The following CDH13 variants were observed in gnomAD, a reference collection of about 807,000 sequenced individuals.
CDH13 encodes cadherin 13.
Under a neutral mutation model 63.8 loss-of-function variants are expected in CDH13, and 24 were observed. The observed-to-expected ratio is 0.38, with a 90% CI of 0.27 to 0.53. The LOEUF (loss-of-function observed/expected upper bound fraction) is 0.53, where lower values mean the gene tolerates loss of function less well. Ranked by LOEUF, CDH13 falls within the 20% of genes least tolerant of loss-of-function variation. The pLI is 0.85. For synonymous variants in CDH13, 503 were observed against 355.3 expected (o/e 1.42, Z -4.67); for missense variants, 1,049 against 903.1 (o/e 1.16, Z -2.07).
At chr16:82,654,863 C>G (rs773037561) in intron 1 of CDH13, among the ~76,000 whole-genome samples, 1 of 152,076 alleles carries the variant, frequency 6.6e-6, no homozygotes, top group South Asian at 2.1e-4. Context: ...AGGCTTTCCT[C>G]GTATCAGTTC....
chr16:83,512,847 G>A (rs1353579954), intron 7 of CDH13, among the ~76,000 whole-genome samples: 1 of 151,968 alleles, frequency 6.6e-6, no homozygotes, highest in Non-Finnish European at 1.5e-5. Context: ...CAAACCTCTT[G>A]ATTTGGAACC....
chr16:83,370,960 A>G (rs542884240), intron 6 of CDH13, among the ~76,000 whole-genome samples: 93 of 152,348 alleles, frequency 6.1e-4, no homozygotes, highest in African/African-American at 2.2e-3. Flanking sequence ...TCATTAGAGA[A>G]ATGCAAATAA....
rs145885354 is a variant in CDH13, at chr16:83,196,531, A to C, written c.484-20814A>C. On this transcript the variant is annotated intron_variant, in intron 4 of 13. Coordinates refer to ENST00000567109, the MANE Select transcript of CDH13 (RefSeq NM_001257.5). ...GACTAGGAGAAAATACTTACAAACC[A>C]CATATCTGAAAAAGGATTAGTATCT... Among the ~76,000 whole-genome samples, 4 of 152,310 alleles carry C rather than the reference A, an allele frequency of 2.6e-5. No homozygotes were observed. The East Asian group carries it at 7.7e-4, about 29-fold the overall frequency.
intron 5 of CDH13, among the ~76,000 whole-genome samples, chr16:83,268,103 T>A (rs1216881524): frequency 6.6e-6 from 1 of 152,204 alleles, no homozygotes; most frequent in Non-Finnish European, 1.5e-5. Context: ...TGTGCACCAC[T>A]GACACATGGA....
chr16:82,747,127 T>G (rs1444301435), intron 1 of CDH13, among the ~76,000 whole-genome samples: 1 of 152,208 alleles, frequency 6.6e-6, no homozygotes, highest in African/African-American at 2.4e-5. Context: ...GACTGTTTAA[T>G]CAGAATGAAA....
chr16:83,159,125 G>T (rs1003760167), intron 4 of CDH13, among the ~76,000 whole-genome samples: 1 of 150,756 alleles, frequency 6.6e-6, no homozygotes, highest in African/African-American at 2.4e-5. Flanking sequence ...TTTCTGTCTC[G>T]GTAAAAGTTC....
At chr16:83,544,212 G>A (rs541547036) in intron 7 of CDH13, among the ~76,000 whole-genome samples, 1 of 152,280 alleles carries the variant, frequency 6.6e-6, no homozygotes, top group East Asian at 1.9e-4. Flanking sequence ...CACTGAGACT[G>A]AGTAGTTCAC....
intron 1 of CDH13, among the ~76,000 whole-genome samples, chr16:82,673,672 C>T (rs927855394): frequency 2.6e-5 from 4 of 152,132 alleles, no homozygotes; most frequent in African/African-American, 9.7e-5. Context: ...CATATTTAAA[C>T]CTATGTTGAG....
chr16:82,786,496 TTGTG>T (rs61029619), intron 1 of CDH13, among the ~76,000 whole-genome samples: 43,741 of 148,370 alleles, frequency 0.29, 7,014 homozygotes, highest in South Asian at 0.44. Flanking sequence ...TCTTCTTCTT[TTGTG>T]TGTGTGTGTG....
At chr16:83,501,704 G>A in intron 7 of CDH13, among the ~76,000 whole-genome samples, 1 of 152,310 alleles carries the variant, frequency 6.6e-6, no homozygotes, top group African/African-American at 2.4e-5. Context: ...TGGAGAGCCA[G>A]GGCATTGGAT....
At chr16:82,696,831 T>A (rs540227976) in intron 1 of CDH13, among the ~76,000 whole-genome samples, 19 of 152,330 alleles carry the variant, frequency 1.2e-4, no homozygotes, top group African/African-American at 4.6e-4. Context: ...TTCACGATAC[T>A]GTTGTCAAGA....
intron 13 of CDH13, chr16:83,789,920 C>G (rs1468977139): frequency 6.6e-6 from 1 of 151,332 alleles, no homozygotes; most frequent in African/African-American, 2.4e-5. Context: ...CCAGCTGGCC[C>G]AAGAAGCCGA....
chr16:83,389,790 G>T (rs182221792), intron 6 of CDH13, among the ~76,000 whole-genome samples: 68 of 152,314 alleles, frequency 4.5e-4, no homozygotes, highest in Admixed American at 1.2e-3. Flanking sequence ...TTTGCCAGGT[G>T]AGTCTGAGTT....
chr16:83,261,191 C>T (rs894597024), intron 5 of CDH13, among the ~76,000 whole-genome samples: 12 of 152,098 alleles, frequency 7.9e-5, no homozygotes, highest in African/African-American at 1.2e-4. Context: ...GGCGTGCATG[C>T]GGAGTGGGCA....
Position 82,894,122 on chromosome 16 carries a change from C to T in CDH13, c.157+35649C>T, listed in dbSNP as rs987780154. On this transcript the variant is annotated intron_variant, in intron 2 of 13. Coordinates refer to ENST00000567109, the MANE Select transcript of CDH13 (RefSeq NM_001257.5). ...GTACACCTCCATGCATCCGTTCCTT[C>T]ATTCAATGATGAGTACATAGGACAG... Among the ~76,000 whole-genome samples, 3 of 152,232 alleles carry T rather than the reference C, an allele frequency of 2.0e-5. No homozygotes were observed. In the South Asian group the frequency reaches 6.2e-4, roughly 32 times the overall value.
At position 83,031,968 on chromosome 16, in the gene CDH13, C is replaced by T. The variant is rs770121469; in HGVS notation, c.158-42C>T. The T allele has an allele frequency of 2.0e-5, 30 of 1,484,004 alleles. No individual in the cohort carries two copies. In the Middle Eastern group the frequency reaches 6.9e-4, roughly 34 times the overall value. 91.9% of individuals were successfully genotyped at this position (1,484,004 alleles called of 1,614,324 possible). The stretch of plus-strand genomic sequence containing the variant: ...AGAGATATCTCAGAGATAAGCTGCC[C>T]AACCTACTCATGCTCCTTCTGTTGT... On this transcript the variant is annotated intron_variant, in intron 2 of 13. Transcript: ENST00000567109.
chr16:83,055,389 AAAAAG>A (rs936684934), intron 3 of CDH13, among the ~76,000 whole-genome samples: 2 of 122,474 alleles, frequency 1.6e-5, no homozygotes, highest in African/African-American at 7.5e-5. Flanking sequence ...TTAAGAAAAA[AAAAAG>A]AAAAGACACT....
At chr16:83,494,839 G>T (rs1315558095) in intron 7 of CDH13, among the ~76,000 whole-genome samples, 1 of 152,144 alleles carries the variant, frequency 6.6e-6, no homozygotes, top group African/African-American at 2.4e-5. Context: ...TAGGATAAAA[G>T]CTTGTTGATC....
At chr16:83,134,191 T>C (rs1309844502) in intron 4 of CDH13, among the ~76,000 whole-genome samples, 2 of 152,092 alleles carry the variant, frequency 1.3e-5, no homozygotes, top group Non-Finnish European at 2.9e-5. Context: ...GCATTCTTAG[T>C]AGATTTGTTT....
Sources: gnomAD v4.1 joint callset for allele counts (sites outside exome capture counted in the v4.1 genomes callset) on GRCh38, gnomAD v4.1.1 for gene constraint, MANE v1.5 for transcripts, NCBI Gene and HGNC (gene_info 2026-07-23, HGNC 2026-07-21) for gene names.